Variants in STK32B observed in about 807,000 individuals in gnomAD.
STK32B encodes the protein serine/threonine-protein kinase 32B.
A neutral mutation model predicts 52.6 loss-of-function variants in STK32B; 43 were observed. The observed-to-expected ratio is 0.82, with a 90% CI of 0.64 to 1.05. STK32B has a LOEUF of 1.05. Among genes scored for constraint, STK32B ranks in the 50% least tolerant of loss-of-function variants. STK32B has a pLI of 0.00. For missense variants in STK32B, 621 were observed against 534.6 expected, an observed-to-expected ratio of 1.16 and a Z score of -1.59; for synonymous variants, 238 against 204.3, an observed-to-expected ratio of 1.17 and a Z score of -1.41.
intron 1 of STK32B, among the ~76,000 whole-genome samples, chr4:5,068,766 A>G (rs1015263996): frequency 6.6e-6 from 1 of 152,194 alleles, no homozygotes; most frequent in Non-Finnish European, 1.5e-5. Context: ...TTTCTGCTTT[A>G]AATTGGAGCC....
chr4:5,471,674 TG>T (rs1315991151), intron 11 of STK32B, among the ~76,000 whole-genome samples: 1 of 152,076 alleles, frequency 6.6e-6, no homozygotes, highest in Non-Finnish European at 1.5e-5. Flanking sequence ...AGAGTAAGCA[TG>T]GGGACCAGCG....
chr4:5,459,290 C>CCT (rs1716841535), intron 8 of STK32B, among the ~76,000 whole-genome samples: 1 of 149,812 alleles, frequency 6.7e-6, no homozygotes, highest in African/African-American at 2.5e-5. Context: ...GTGCCCCCCC[C>CCT]CCCCACCTTT....
At chr4:5,191,609 G>A (rs1055247303) in intron 3 of STK32B, among the ~76,000 whole-genome samples, 6 of 152,116 alleles carry the variant, frequency 3.9e-5, no homozygotes, top group African/African-American at 1.4e-4. Context: ...ATTTAAGGAA[G>A]GGTTTCTGCT....
chr4:5,492,418 C>T (rs1470007050), intron 11 of STK32B, among the ~76,000 whole-genome samples: 7 of 152,148 alleles, frequency 4.6e-5, no homozygotes, highest in South Asian at 4.2e-4. Flanking sequence ...TTTTTGTACA[C>T]TGATTTTGTA....
At chr4:5,133,215 G>C (rs1715884977) in intron 1 of STK32B, among the ~76,000 whole-genome samples, 1 of 152,214 alleles carries the variant, frequency 6.6e-6, no homozygotes, top group African/African-American at 2.4e-5. Context: ...GTACGTAGTA[G>C]AGGGCCTGGA....
intron 2 of STK32B, among the ~76,000 whole-genome samples, chr4:5,167,580 G>A (rs1181835549): frequency 1.3e-5 from 2 of 152,336 alleles, no homozygotes; most frequent in East Asian, 3.9e-4. Flanking sequence ...AAGGAAGACA[G>A]CCAGGAAAGG....
intron 1 of STK32B, among the ~76,000 whole-genome samples, chr4:5,125,699 G>A (rs961937750): frequency 1.6e-4 from 25 of 152,108 alleles, no homozygotes; most frequent in Non-Finnish European, 2.9e-5. Flanking sequence ...TCTCATCCCC[G>A]CACCTCTGTT....
At chr4:5,174,573 C>A (rs557844384) in intron 3 of STK32B, among the ~76,000 whole-genome samples, 1 of 152,068 alleles carries the variant, frequency 6.6e-6, no homozygotes, top group Non-Finnish European at 1.5e-5. Flanking sequence ...CATAGTTTGG[C>A]GGGATATGAA....
chr4:5,498,542 C>T (rs1720474834), intron 11 of STK32B, among the ~76,000 whole-genome samples: 1 of 152,112 alleles, frequency 6.6e-6, no homozygotes. Context: ...CACTCGTGAG[C>T]ATTTAATACA....
At chr4:5,357,028 C>T (rs1027007419) in intron 4 of STK32B, among the ~76,000 whole-genome samples, 3 of 148,624 alleles carry the variant, frequency 2.0e-5, no homozygotes, top group African/African-American at 5.1e-5. Flanking sequence ...TATATACACA[C>T]ACACACACAC....
intron 1 of STK32B, among the ~76,000 whole-genome samples, chr4:5,088,785 G>A (rs1443360349): frequency 6.6e-6 from 1 of 151,864 alleles, no homozygotes; most frequent in South Asian, 2.1e-4. Context: ...TTTATGGTAT[G>A]CAGTGAAAGC....
intron 4 of STK32B, among the ~76,000 whole-genome samples, chr4:5,376,678 C>A (rs1410554908): frequency 6.6e-6 from 1 of 152,098 alleles, no homozygotes; most frequent in Non-Finnish European, 1.5e-5. Flanking sequence ...AGCAGAGGAC[C>A]CCCAGGATAT....
intron 6 of STK32B, among the ~76,000 whole-genome samples, 163 bp from the exon 7 acceptor site, chr4:5,446,510 T>C (rs1469606635): frequency 6.6e-6 from 1 of 151,536 alleles, no homozygotes; most frequent in Non-Finnish European, 1.5e-5. Flanking sequence ...GGAGCCGACA[T>C]TGCGCCATTA....
chr4:5,275,312 C>T (rs1727741567), intron 3 of STK32B, among the ~76,000 whole-genome samples: 1 of 152,184 alleles, frequency 6.6e-6, no homozygotes, highest in South Asian at 2.1e-4. Flanking sequence ...TGATTTTGTT[C>T]CAGTTTGGCA....
intron 4 of STK32B, among the ~76,000 whole-genome samples, chr4:5,374,570 TGTCTGGCGAGG>T (rs974365328): frequency 3.9e-4 from 60 of 152,306 alleles, no homozygotes; most frequent in African/African-American, 1.4e-3. Context: ...GAAGAATCAG[TGTCTGGCGAGG>T]GCCTGCTCCC....
chr4:5,106,416 T>C (rs1043580787), intron 1 of STK32B, among the ~76,000 whole-genome samples: 2 of 152,214 alleles, frequency 1.3e-5, no homozygotes, highest in South Asian at 2.1e-4. Context: ...TTGTCAACTA[T>C]TACCATGTTA....
intron 6 of STK32B, among the ~76,000 whole-genome samples, chr4:5,422,880 T>C (rs1712760505): frequency 6.6e-6 from 1 of 152,162 alleles, no homozygotes; most frequent in South Asian, 2.1e-4. Flanking sequence ...AATTAGACTT[T>C]AAGGATGTGC....
intron 7 of STK32B, chr4:5,447,084 C>G (rs1353580325): frequency 4.3e-6 from 1 of 235,136 alleles, no homozygotes; most frequent in Non-Finnish European, 8.4e-6. Context: ...ACACTGTCCT[C>G]TTTGAACCCA....
chr4:5,082,219 G>T (rs1712479536), intron 1 of STK32B, among the ~76,000 whole-genome samples: 1 of 152,066 alleles, frequency 6.6e-6, no homozygotes, highest in African/African-American at 2.4e-5. Flanking sequence ...CCCGAAGGAG[G>T]TATCCTGAAA....
Sources: allele counts gnomAD v4.1 joint callset (sites outside exome capture counted in the v4.1 genomes callset), GRCh38; gene constraint gnomAD v4.1.1; transcripts MANE v1.5; gene names NCBI Gene and HGNC (gene_info 2026-07-23, HGNC 2026-07-21).